VTCN1: variants seen among roughly 807,000 people sequenced by gnomAD.
VTCN1 encodes the protein V-set domain-containing T-cell activation inhibitor 1.
In VTCN1, 26 loss-of-function variants were observed where a neutral mutation model predicts 26.5. That is an observed-to-expected ratio of 0.98 (90% CI 0.72 to 1.36). The LOEUF (loss-of-function observed/expected upper bound fraction) is 1.36. Ranked by LOEUF, VTCN1 falls within the 40% of genes most tolerant of loss-of-function variation. VTCN1 has a pLI of 0.00. For synonymous variants in VTCN1, 116 were observed against 130.7 expected (o/e 0.89, Z 0.77); for missense variants, 298 against 337.7 (o/e 0.88, Z 0.92).
intron 2 of VTCN1, among the ~76,000 whole-genome samples, chr1:117,158,760 C>A (rs1034539973): frequency 6.6e-6 from 1 of 152,174 alleles, no homozygotes; most frequent in African/African-American, 2.4e-5. Flanking sequence ...AACTTTTATG[C>A]TCTGCTTCCC....
chr1:117,205,176 A>AGAGG (rs1553214082), intron 1 of VTCN1, among the ~76,000 whole-genome samples: 10 of 148,778 alleles, frequency 6.7e-5, no homozygotes, highest in South Asian at 2.1e-4. Context: ...AGAGAGAGAG[A>AGAGG]GGGGGGTCTC....
intron 1 of VTCN1, among the ~76,000 whole-genome samples, chr1:117,180,889 C>T (rs999705547): frequency 1.3e-5 from 2 of 152,298 alleles, no homozygotes; most frequent in African/African-American, 4.8e-5. Flanking sequence ...GGAATGGATG[C>T]AACAAAAAGA....
chr1:117,203,468 A>G (rs1005089270), intron 1 of VTCN1: 5 of 335,560 alleles, frequency 1.5e-5, no homozygotes, highest in African/African-American at 1.1e-4. Flanking sequence ...GAAAGAGGAA[A>G]AACTGCCTGC....
intron 1 of VTCN1, among the ~76,000 whole-genome samples, chr1:117,200,135 C>T (rs1456008507): frequency 6.6e-6 from 1 of 152,162 alleles, no homozygotes; most frequent in Non-Finnish European, 1.5e-5. Context: ...GTCACAGTGG[C>T]TTATGCCTGT....
At chr1:117,148,744 A>C (rs995495967) in intron 4 of VTCN1, among the ~76,000 whole-genome samples, 2 of 152,252 alleles carry the variant, frequency 1.3e-5, no homozygotes, top group Non-Finnish European at 2.9e-5. Context: ...GGACAAAAAA[A>C]TAAGGCAACT....
intron 1 of VTCN1, among the ~76,000 whole-genome samples, chr1:117,195,011 ATCCC>A (rs1648439380): frequency 1.3e-5 from 2 of 152,076 alleles, no homozygotes; most frequent in African/African-American, 2.4e-5. Flanking sequence ...CATGCCTATA[ATCCC>A]AGCACTTTGG....
intron 1 of VTCN1, 26 bp downstream of exon 1, chr1:117,210,798 A>G: frequency 6.2e-7 from 1 of 1,612,756 alleles, no homozygotes; most frequent in Non-Finnish European, 8.5e-7. Flanking sequence ...TTCACCCATA[A>G]GGATAGAGAG....
intron 1 of VTCN1, among the ~76,000 whole-genome samples, chr1:117,189,869 A>C (rs1648156308): frequency 1.3e-5 from 2 of 150,648 alleles, no homozygotes; most frequent in South Asian, 4.2e-4. Context: ...GAGCCTTGGA[A>C]TCCACGTAGG....
In VTCN1 at chr1:117,145,382, G is replaced by T. The variant is rs1651454112; in HGVS notation, c.*46-157C>A. Among the ~76,000 whole-genome samples the T allele has an allele frequency of 6.6e-6, 1 of 152,182 alleles. No homozygotes were observed. Among genetic ancestry groups the T allele is most frequent in the Non-Finnish European group, 1.5e-5 (1 of 68,044 alleles). ...TGATGTTGTTCTATTGAGGCCACATGGTCCCATGGGTTGCTGGGGAAAAAG... is the reference window on the plus strand; with the variant it reads ...TGATGTTGTTCTATTGAGGCCACATTGTCCCATGGGTTGCTGGGGAAAAAG... On this transcript the variant is annotated intron_variant, in intron 5 of 5. Transcript: ENST00000369458. The surrounding 1 kb of genome is among the most constrained non-coding windows in gnomAD (Gnocchi z 4.6).
In VTCN1 at chr1:117,147,662, T is replaced by C. The variant is rs1651582945; in HGVS notation, c.845A>G (p.Lys282Arg). The C allele has an allele frequency of 4.3e-6, 7 of 1,613,092 alleles. No homozygotes were observed. In the South Asian group the frequency reaches 5.5e-5, roughly 13 times the overall value. ...LLPLSPYLML[K>R] ...CTTTTTTGTGGCCGAGGCACATTATTTTAGCATCAGGTAAGGGCTGAGAGG... is the reference window on the plus strand; with the variant it reads ...CTTTTTTGTGGCCGAGGCACATTATCTTAGCATCAGGTAAGGGCTGAGAGG... Residue 282 changes from lysine to arginine, a missense_variant, in exon 5 of 6, where the codon AAA (lysine) becomes AGA (arginine). Physicochemically the swap from Lys to Arg is conservative, Grantham distance 26. Transcript: ENST00000369458. The surrounding 1 kb of genome is among the most constrained non-coding windows in gnomAD (Gnocchi z 4.6).
intron 1 of VTCN1, among the ~76,000 whole-genome samples, chr1:117,208,967 G>C (rs2101615021): frequency 6.6e-6 from 1 of 152,292 alleles, no homozygotes; most frequent in South Asian, 2.1e-4. Flanking sequence ...AAAGGAAGAG[G>C]GTTATTAGGG....
chr1:117,168,647 C>T (rs1267161667), intron 2 of VTCN1, among the ~76,000 whole-genome samples: 2 of 151,996 alleles, frequency 1.3e-5, no homozygotes, highest in Non-Finnish European at 2.9e-5. Context: ...TTGGTGATAC[C>T]TGTAACTAGT....
chr1:117,160,346 C>A lies in VTCN1; in HGVS notation c.98-3425G>T, dbSNP rs548394806. Among the ~76,000 whole-genome samples the A allele has an allele frequency of 3.9e-5, 6 of 152,330 alleles. No individual in the cohort carries two copies. The Middle Eastern group carries it at 0.017, about 432-fold the overall frequency. ...AAAGCCCAACATAACGGGTCCTGAG[C>A]ACTTCCTAACTGGACTTATCAGCTT... On this transcript the variant is annotated intron_variant, in intron 2 of 5. Coordinates refer to ENST00000369458, the MANE Select transcript of VTCN1 (RefSeq NM_024626.4).
rs1424729475 is a variant in VTCN1 at position 117,144,881 on chromosome 1, C to T, written c.*390G>A. 4 of 152,580 alleles carry T rather than the reference C, an allele frequency of 2.6e-5. No homozygotes were observed. Among genetic ancestry groups the T allele is most frequent in the African/African-American group, 9.7e-5 (4 of 41,436 alleles). The allele number at this position is 152,580 out of a possible 1,614,324, so 9.5% of individuals were successfully genotyped here. The stretch of plus-strand genomic sequence containing the variant: ...GGGCTTCCTCAGAGCAACATTACAG[C>T]ACATATAACTAAAAATTCAGAGACA... On this transcript the variant is annotated 3_prime_UTR_variant, in exon 6 of 6. Coordinates refer to ENST00000369458, the MANE Select transcript of VTCN1 (RefSeq NM_024626.4).
chr1:117,192,389 C>T (rs185419163), intron 1 of VTCN1, among the ~76,000 whole-genome samples: 1 of 152,154 alleles, frequency 6.6e-6, no homozygotes, highest in East Asian at 1.9e-4. Flanking sequence ...ATGAGAGATG[C>T]TAAAGAAGGT....
intron 4 of VTCN1, among the ~76,000 whole-genome samples, chr1:117,149,412 A>G (rs555989999): frequency 6.6e-6 from 1 of 151,802 alleles, no homozygotes; most frequent in Admixed American, 6.6e-5. Flanking sequence ...AGGACTGTAC[A>G]TTATTTTGTT....
intron 1 of VTCN1, chr1:117,172,417 TA>T (rs1652969723): frequency 3.9e-6 from 2 of 518,708 alleles, no homozygotes; most frequent in African/African-American, 3.8e-5. Flanking sequence ...CACCTCAGTG[TA>T]GCCTCAGTTC....
chr1:117,153,843 A>C (rs559721099), intron 3 of VTCN1, among the ~76,000 whole-genome samples: 8 of 152,312 alleles, frequency 5.3e-5, no homozygotes, highest in Middle Eastern at 3.4e-3. Flanking sequence ...AATTCCATTC[A>C]CAAGCTTTGT....
Position 117,146,308 on chromosome 1 carries a change from A to C in VTCN1, c.*46-1083T>G, listed in dbSNP as rs190974559. 0.027 allele frequency among the ~76,000 whole-genome samples: 4,046 copies of C among 152,288 alleles called. 166 individuals carry two copies. Among genetic ancestry groups the C allele is most frequent in the African/African-American group, 0.092 (3,836 of 41,520 alleles). ...TGACAACTGTGGAGGATTGGAAATGATGAAAACTGGCGGGTTTCCTTACAA... is the reference window on the plus strand; with the variant it reads ...TGACAACTGTGGAGGATTGGAAATGCTGAAAACTGGCGGGTTTCCTTACAA... On this transcript the variant is annotated intron_variant, in intron 5 of 5. Transcript: ENST00000369458. The surrounding 1 kb of genome is among the most constrained non-coding windows in gnomAD (Gnocchi z 4.2).
Sources: gnomAD v4.1 joint callset for allele counts (sites outside exome capture counted in the v4.1 genomes callset) on GRCh38, gnomAD v4.1.1 for gene constraint, Gnocchi (gnomAD v3.1) non-coding constraint, MANE v1.5 for transcripts, NCBI Gene and HGNC (gene_info 2026-07-23, HGNC 2026-07-21) for gene names.